Variants in LAMA3 observed in about 807,000 individuals in gnomAD.
The protein encoded by LAMA3 is laminin subunit alpha-3.
Under a neutral mutation model 402.0 loss-of-function variants are expected in LAMA3, and 281 were observed. The observed-to-expected ratio is 0.70, with a 90% CI of 0.63 to 0.77. The LOEUF is 0.77. Ranked by LOEUF, LAMA3 falls within the 30% of genes least tolerant of loss-of-function variation. LAMA3 has a pLI of 0.00. For missense variants in LAMA3, 3,840 were observed against 4,215.5 expected (o/e 0.91, Z 2.47); for synonymous variants, 1,431 against 1,558.4 (o/e 0.92, Z 1.93).
At chr18:23,820,091 C>T (rs1475543868) in intron 19 of LAMA3, 94 bp downstream of exon 19, 7 of 1,225,202 alleles carry the variant, frequency 5.7e-6, no homozygotes, top group Non-Finnish European at 8.4e-6. Flanking sequence ...GACCTGTCCC[C>T]AGAACTGATT....
rs549221489 is a variant in LAMA3, at chr18:23,842,516, G to A, written c.3458G>A (p.Arg1153Gln). ...AQVSVDGGWP[R>Q]AGSFHASFCP... The stretch of plus-strand genomic sequence containing the variant: ...GTGTCGGTGGATGGCGGGTGGCCAC[G>A]GGCAGGTGAGCTGCAGTGAGCAGGC... The change falls in exon 28 of 75, where the codon CGG becomes CAG. Residue 1153 changes from arginine (R) to glutamine (Q), a missense_variant. Around this residue, in one of 3 missense-constraint regions of LAMA3, gnomAD observed 2,109 missense variants for 2,376.0 expected, o/e 0.89. Transcript: ENST00000313654. 34 of 1,614,180 alleles carry A rather than the reference G, an allele frequency of 2.1e-5. No individual in the cohort carries two copies. In the East Asian group the frequency reaches 4.2e-4, roughly 20 times the overall value.
intron 2 of LAMA3, among the ~76,000 whole-genome samples, chr18:23,736,480 T>G (rs547323697): frequency 3.8e-4 from 57 of 151,920 alleles, no homozygotes; most frequent in Admixed American, 3.1e-3. Flanking sequence ...TTGGGGGAAA[T>G]CATATACAGG....
At chr18:23,891,630 T>C (rs2080668909) in intron 42 of LAMA3, among the ~76,000 whole-genome samples, 1 of 152,230 alleles carries the variant, frequency 6.6e-6, no homozygotes, top group African/African-American at 2.4e-5. Context: ...AAAATGATGT[T>C]AAGGATAAGG....
chr18:23,776,574 T>C (rs1233748333), intron 10 of LAMA3, among the ~76,000 whole-genome samples: 1 of 152,176 alleles, frequency 6.6e-6, no homozygotes, highest in Non-Finnish European at 1.5e-5. Flanking sequence ...TGTCTCTCTG[T>C]ATCACTCTAT....
intron 1 of LAMA3, among the ~76,000 whole-genome samples, chr18:23,696,277 T>C (rs1205317401): frequency 6.6e-6 from 1 of 152,248 alleles, no homozygotes; most frequent in Non-Finnish European, 1.5e-5. Flanking sequence ...GTATCTTTAA[T>C]GTATCATTGA....
Position 23,894,919 on chromosome 18 carries a change from G to A in LAMA3, c.5474G>A (p.Cys1825Tyr), listed in dbSNP as rs2145061251. 6.2e-7 allele frequency: 1 copy of A among 1,614,200 alleles called. No homozygotes were observed. The highest frequency in any genetic ancestry group is 1.1e-5 in the South Asian group (1 of 91,088). The change falls in exon 44 of 75, where the codon TGT becomes TAT. Residue 1825 changes from cysteine (C) to tyrosine (Y), a missense_variant. Cys to Tyr is a radical substitution (Grantham distance 194, BLOSUM62 -2). Around this residue, in one of 3 missense-constraint regions of LAMA3, gnomAD observed 891 missense variants for 857.5 expected, o/e 1.04. Transcript: ENST00000313654. ...GTGGCCCCTACAGATTGCGACAGCT[G>A]TGTGATGACCCTCCTGAACGACCTG... Reference protein sequence around the residue: ...PAEECDDCDSCVMTLLNDLAT... With the variant: ...PAEECDDCDSYVMTLLNDLAT...
rs142383982 is a variant in LAMA3 at position 23,848,804 on chromosome 18, C to T, written c.4136+1136C>T. 9.9e-3 allele frequency among the ~76,000 whole-genome samples: 1,503 copies of T among 152,306 alleles called. 8 individuals are homozygous for T. The highest frequency in any genetic ancestry group is 0.045 in the Middle Eastern group (13 of 292). On this transcript the variant is annotated intron_variant, in intron 32 of 74. Coordinates refer to ENST00000313654, the MANE Select transcript of LAMA3 (RefSeq NM_198129.4). ...GCCTGGAAATTAAAAATCAAGATGT[C>T]GGCAGGGTTGGTTTCTTCCGGAGGG...
intron 2 of LAMA3, among the ~76,000 whole-genome samples, chr18:23,740,657 G>T (rs1348224124): frequency 6.6e-6 from 1 of 152,152 alleles, no homozygotes; most frequent in Admixed American, 6.5e-5. Flanking sequence ...TAAATTCTGG[G>T]CAGGCTGCCA....
At chr18:23,716,094 T>C (rs1184837848) in intron 2 of LAMA3, among the ~76,000 whole-genome samples, 4 of 152,196 alleles carry the variant, frequency 2.6e-5, no homozygotes, top group Non-Finnish European at 4.4e-5. Flanking sequence ...CTTATCCCTC[T>C]GATACCTAAC....
At chr18:23,797,158 AC>A (rs1194515399) in intron 12 of LAMA3, among the ~76,000 whole-genome samples, 1 of 152,190 alleles carries the variant, frequency 6.6e-6, no homozygotes, top group African/African-American at 2.4e-5. Context: ...GTTGAGGTGT[AC>A]CTTGCAGTTT....
chr18:23,856,409 A>G (rs2064080765), intron 32 of LAMA3, among the ~76,000 whole-genome samples: 1 of 152,232 alleles, frequency 6.6e-6, no homozygotes, highest in Non-Finnish European at 1.5e-5. Flanking sequence ...TATGCCAATA[A>G]AAATGTATTT....
intron 12 of LAMA3, among the ~76,000 whole-genome samples, chr18:23,805,697 T>G (rs1456805010): frequency 6.6e-6 from 1 of 152,220 alleles, no homozygotes; most frequent in African/African-American, 2.4e-5. Flanking sequence ...ATTTTGGGTC[T>G]TCTAGAATTG....
At chr18:23,916,049 A>AAAAGAAAAG (rs143548754) in intron 59 of LAMA3, among the ~76,000 whole-genome samples, 3 of 18,974 alleles carry the variant, frequency 1.6e-4, no homozygotes, top group Non-Finnish European at 6.1e-4. Flanking sequence ...AAAGAAAAAG[A>AAAAGAAAAG]AAAAGAAAAG....
chr18:23,784,166 G>A lies in LAMA3; in HGVS notation c.1603+9G>A. The A allele has an allele frequency of 3.1e-6, 5 of 1,614,066 alleles. No homozygotes were observed. Among genetic ancestry groups the A allele is most frequent in the Non-Finnish European group, 4.2e-6 (5 of 1,179,976 alleles). ...ATTCCCTATTTGCCAAGGTAAGTGG[G>A]CAGAACATAGCATATTCATAATCAA... On this transcript the variant is annotated intron_variant, in intron 12 of 74. Coordinates refer to ENST00000313654, the MANE Select transcript of LAMA3 (RefSeq NM_198129.4).
At chr18:23,870,830 G>A (rs947447554) in intron 37 of LAMA3, among the ~76,000 whole-genome samples, 1 of 152,108 alleles carries the variant, frequency 6.6e-6, no homozygotes, top group Non-Finnish European at 1.5e-5. Context: ...CAGGGGCTGG[G>A]GAGGGAAAAA....
intron 18 of LAMA3, among the ~76,000 whole-genome samples, chr18:23,818,111 T>C (rs1318222081): frequency 6.6e-6 from 1 of 152,074 alleles, no homozygotes; most frequent in Admixed American, 6.6e-5. Flanking sequence ...GCCAAGATAG[T>C]GCCCCTGCAC....
intron 1 of LAMA3, among the ~76,000 whole-genome samples, chr18:23,711,414 A>T (rs2060987112): frequency 6.6e-6 from 1 of 152,230 alleles, no homozygotes; most frequent in African/African-American, 2.4e-5. Flanking sequence ...CTGCTGAATG[A>T]CATGGACAGG....
In LAMA3 at chr18:23,921,339, T is replaced by C. The variant is rs2081829768; in HGVS notation, c.8044-113T>C. ...GCTACTGCTCAGAGCCTTCCTACTA[T>C]GTATATAAATGAATCTGGGGGAAGA... is the stretch of plus-strand genomic sequence containing the variant. On this transcript the variant is annotated intron_variant, in intron 61 of 74. Coordinates refer to ENST00000313654, the MANE Select transcript of LAMA3 (RefSeq NM_198129.4). 5 of 1,144,352 alleles carry C rather than the reference T, an allele frequency of 4.4e-6. No individual in the cohort carries two copies. In the East Asian group the frequency reaches 7.6e-5, roughly 17 times the overall value. The allele number at this position is 1,144,352 out of a possible 1,614,324, so 70.9% of individuals were successfully genotyped here. A position where few individuals can be genotyped will look rare whatever the true frequency, so the allele number is the denominator to read the frequency against.
intron 59 of LAMA3, 81 bp from the exon 60 acceptor site, chr18:23,916,470 G>A: frequency 1.3e-6 from 2 of 1,505,384 alleles, no homozygotes; most frequent in Non-Finnish European, 1.8e-6. Context: ...TTTTCAGATA[G>A]CAACATCTTG....
Sources: allele counts gnomAD v4.1 joint callset (sites outside exome capture counted in the v4.1 genomes callset), GRCh38; gene constraint gnomAD v4.1.1; regional missense constraint gnomAD v4.1.1; transcripts MANE v1.5; gene names NCBI Gene and HGNC (gene_info 2026-07-23, HGNC 2026-07-21).